Variants in CDH12 observed in about 807,000 individuals in gnomAD.
CDH12 encodes the protein cadherin-12.
Under a neutral mutation model 74.1 loss-of-function variants are expected in CDH12, and 41 were observed. The ratio of observed to expected loss-of-function variants is 0.55; its 90% CI spans 0.43 to 0.72. The LOEUF (loss-of-function observed/expected upper bound fraction) is 0.72, where lower values mean the gene tolerates loss of function less well. Ranked by LOEUF, CDH12 falls within the 30% of genes least tolerant of loss-of-function variation. The probability of loss-of-function intolerance (pLI) is 0.00; values close to 1 mark genes in which losing one functional copy is unlikely to be tolerated. For synonymous variants in CDH12, 399 were observed against 355.0 expected (o/e 1.12, Z -1.39); for missense variants, 945 against 977.2 (o/e 0.97, Z 0.44).
intron 3 of CDH12, among the ~76,000 whole-genome samples, chr5:22,258,165 C>T (rs77588389): frequency 6.6e-6 from 1 of 151,924 alleles, no homozygotes; most frequent in Non-Finnish European, 1.5e-5. Context: ...TAATAAAAAT[C>T]AGTTGGCGTA....
chr5:22,455,720 G>C (rs376107295), intron 2 of CDH12, among the ~76,000 whole-genome samples: 6 of 152,108 alleles, frequency 3.9e-5, no homozygotes, highest in East Asian at 3.9e-4. Flanking sequence ...CACTAAGTGG[G>C]ACCAAAGAGA....
chr5:22,146,902 G>T (rs1301113575), intron 4 of CDH12, among the ~76,000 whole-genome samples: 1 of 151,996 alleles, frequency 6.6e-6, no homozygotes, highest in Non-Finnish European at 1.5e-5. Context: ...ATTTCCACCT[G>T]CTAAACAAGA....
intron 3 of CDH12, among the ~76,000 whole-genome samples, chr5:22,337,939 G>A (rs1285503781): frequency 6.6e-6 from 1 of 152,122 alleles, no homozygotes; most frequent in Non-Finnish European, 1.5e-5. Context: ...GTGAGGGTGT[G>A]GAGGAAAGGA....
intron 1 of CDH12, among the ~76,000 whole-genome samples, chr5:22,591,077 C>T (rs1446576124): frequency 6.6e-6 from 1 of 152,168 alleles, no homozygotes; most frequent in Non-Finnish European, 1.5e-5. Flanking sequence ...GTCTAAGTGA[C>T]TCCAGCCTCC....
intron 3 of CDH12, among the ~76,000 whole-genome samples, chr5:22,362,024 G>A (rs903286834): frequency 6.6e-6 from 1 of 152,066 alleles, no homozygotes; most frequent in Non-Finnish European, 1.5e-5. Flanking sequence ...GCATGGGCAA[G>A]GACTTAATGT....
chr5:22,407,608 A>G (rs536790926), intron 2 of CDH12, among the ~76,000 whole-genome samples: 1 of 152,106 alleles, frequency 6.6e-6, no homozygotes, highest in South Asian at 2.1e-4. Flanking sequence ...TCTCTGCATG[A>G]GCCCGATGTA....
At chr5:22,829,513 CTT>C (rs1736485487) in intron 1 of CDH12, among the ~76,000 whole-genome samples, 3 of 152,160 alleles carry the variant, frequency 2.0e-5, no homozygotes, top group African/African-American at 7.2e-5. Context: ...GCAGTCTTGT[CTT>C]GGTCTACTGA....
intron 6 of CDH12, among the ~76,000 whole-genome samples, chr5:21,911,411 G>T (rs1753853025): frequency 6.6e-6 from 1 of 151,810 alleles, no homozygotes; most frequent in Non-Finnish European, 1.5e-5. Context: ...TTTACTTAAG[G>T]TTTAGTTAGA....
intron 6 of CDH12, among the ~76,000 whole-genome samples, chr5:21,922,847 T>A (rs182431858): frequency 2.0e-5 from 3 of 152,160 alleles, no homozygotes; most frequent in Admixed American, 2.0e-4. Flanking sequence ...GATAATTATC[T>A]CTCCAATATC....
chr5:22,821,058 TG>T (rs1464275580), intron 1 of CDH12, among the ~76,000 whole-genome samples: 3 of 152,132 alleles, frequency 2.0e-5, no homozygotes, highest in African/African-American at 4.8e-5. Flanking sequence ...GCTTCATCCC[TG>T]GGATGCAAGG....
intron 5 of CDH12, among the ~76,000 whole-genome samples, chr5:22,070,136 C>T (rs1741847320): frequency 6.6e-6 from 1 of 152,014 alleles, no homozygotes; most frequent in Non-Finnish European, 1.5e-5. Flanking sequence ...TATCATGGAA[C>T]ACAAAATGTA....
intron 1 of CDH12, among the ~76,000 whole-genome samples, chr5:22,540,125 T>G (rs2126717713): frequency 6.6e-6 from 1 of 152,226 alleles, no homozygotes; most frequent in East Asian, 1.9e-4. Context: ...TTATCTTTTT[T>G]TAGCACAGAG....
chr5:22,766,727 G>C (rs1183412779), intron 1 of CDH12, among the ~76,000 whole-genome samples: 1 of 151,912 alleles, frequency 6.6e-6, no homozygotes, highest in Non-Finnish European at 1.5e-5. Context: ...GCAGAAACTT[G>C]TTTTCTTGTC....
At chr5:22,759,579 A>G (rs975328134) in intron 1 of CDH12, among the ~76,000 whole-genome samples, 4 of 152,108 alleles carry the variant, frequency 2.6e-5, no homozygotes, top group African/African-American at 9.7e-5. Context: ...TAACTACCTA[A>G]TCTGAACTGG....
At position 22,614,403 on chromosome 5, in the gene CDH12, C is replaced by T. The variant is rs902649134; in HGVS notation, c.-522-109039G>A. On this transcript the variant is annotated intron_variant, in intron 1 of 14. Coordinates refer to ENST00000382254, the MANE Select transcript of CDH12 (RefSeq NM_004061.5). Reference sequence around the variant, plus strand: ...AGGGAACCTCACCTACCTGAAGGATCAGGAAATGTTTCCCTCTTTGTTGTT... The same window carrying T: ...AGGGAACCTCACCTACCTGAAGGATTAGGAAATGTTTCCCTCTTTGTTGTT... Among the ~76,000 whole-genome samples, 3 of 45,746 alleles carry T rather than the reference C, an allele frequency of 6.6e-5. No homozygotes were observed. In the Admixed American group the frequency reaches 8.9e-4, roughly 14 times the overall value. The allele number at this position is 45,746 out of a possible 152,430, so 30.0% of individuals were successfully genotyped here.
intron 3 of CDH12, among the ~76,000 whole-genome samples, chr5:22,390,482 T>A (rs1348167934): frequency 6.6e-6 from 1 of 151,900 alleles, no homozygotes; most frequent in African/African-American, 2.4e-5. Context: ...TTATTAATAC[T>A]TTTTTTATAA....
intron 3 of CDH12, among the ~76,000 whole-genome samples, chr5:22,239,258 G>A (rs1011030617): frequency 2.0e-5 from 3 of 152,106 alleles, no homozygotes; most frequent in Admixed American, 1.3e-4. Context: ...AATTTCCCCA[G>A]AAATTCTAAT....
chr5:21,784,130 G>T (rs1259677132), intron 10 of CDH12, among the ~76,000 whole-genome samples: 1 of 151,904 alleles, frequency 6.6e-6, no homozygotes, highest in Admixed American at 6.6e-5. Flanking sequence ...TCTTTATCTT[G>T]TTTATTATGT....
chr5:22,402,125 G>T (rs1742754666), intron 3 of CDH12, among the ~76,000 whole-genome samples: 1 of 152,194 alleles, frequency 6.6e-6, no homozygotes, highest in Non-Finnish European at 1.5e-5. Flanking sequence ...AGGAAGTAAG[G>T]TGCTGCTGTA....
Sources: gnomAD v4.1 joint callset for allele counts (sites outside exome capture counted in the v4.1 genomes callset) on GRCh38, gnomAD v4.1.1 for gene constraint, MANE v1.5 for transcripts, NCBI Gene and HGNC (gene_info 2026-07-23, HGNC 2026-07-21) for gene names.